CELSR1: variants seen among roughly 807,000 people sequenced by gnomAD.
CELSR1 encodes the protein adhesion G protein-coupled receptor C1.
In CELSR1, 110 loss-of-function variants were observed where a neutral mutation model predicts 249.1. That is an observed-to-expected ratio of 0.44 (90% CI 0.38 to 0.52). The LOEUF (loss-of-function observed/expected upper bound fraction) is 0.52, where lower values mean the gene tolerates loss of function less well. Ranked by LOEUF, CELSR1 falls within the 20% of genes least tolerant of loss-of-function variation. The probability of loss-of-function intolerance (pLI) is 0.00; values close to 1 mark genes in which losing one functional copy is unlikely to be tolerated. For missense variants in CELSR1, 4,109 were observed against 4,296.4 expected, an observed-to-expected ratio of 0.96 and a Z score of 1.22; for synonymous variants, 2,113 against 1,900.0, an observed-to-expected ratio of 1.11 and a Z score of -2.92.
At chr22:46,460,211 A>ACACACACACACACACACCCC (rs773925316) in intron 2 of CELSR1, among the ~76,000 whole-genome samples, 8 of 148,974 alleles carry the variant, frequency 5.4e-5, no homozygotes, top group Admixed American at 2.6e-4. Context: ...ACACACACAC[A>ACACACACACACACACACCCC]CACACCCATT....
At position 46,389,405 on chromosome 22, in the gene CELSR1, G is replaced by A. The variant is rs368292734; in HGVS notation, c.6440C>T (p.Thr2147Met). The A allele has an allele frequency of 1.2e-5, 19 of 1,612,324 alleles. No homozygotes were observed. The highest frequency in any genetic ancestry group is 1.7e-4 in the Middle Eastern group (1 of 5,998). ...CGTGCGCACGTCATTGCCAAAGAGC[G>A]TGCCCGTGTGCTGTGTAGCACTGCG... ...ALRSATQHTG[T>M]LFGNDVRTAY... The change falls in exon 18 of 35, where the codon ACG becomes ATG. Residue 2147 changes from threonine (T) to methionine (M), a missense_variant. This residue lies in a region of CELSR1 where 1,805 missense variants were observed against 1,831.6 expected (regional missense o/e 0.99). Transcript: ENST00000674500.
chr22:46,410,029 A>T lies in CELSR1; in HGVS notation c.4934-149T>A. ...CTGAACGCCCCTGGCAACGGCAGGAACATGGGAACTAAGAAGGTGCTGAAC... is the reference window on the plus strand; with the variant it reads ...CTGAACGCCCCTGGCAACGGCAGGATCATGGGAACTAAGAAGGTGCTGAAC... On this transcript the variant is annotated intron_variant, in intron 7 of 34. Transcript: ENST00000674500. This position sits in a 1 kb window ranked among gnomAD's most constrained non-coding sequence, Gnocchi z 6.8. The T allele has an allele frequency of 1.0e-6, 1 of 987,788 alleles. No homozygotes were observed. Among genetic ancestry groups the T allele is most frequent in the Non-Finnish European group, 1.5e-6 (1 of 673,024 alleles). The allele number at this position is 987,788 out of a possible 1,614,324, so 61.2% of individuals were successfully genotyped here.
At position 46,436,229 on chromosome 22, in the gene CELSR1, G is replaced by A. The variant is rs771828411; in HGVS notation, c.4467C>T (p.His1489=). 38 of 1,614,008 alleles carry A rather than the reference G, an allele frequency of 2.4e-5. 1 individual carries two copies. The Admixed American group carries it at 4.7e-4, about 20-fold the overall frequency. The change falls in exon 4 of 35, where the codon CAC becomes CAT. Residue 1489 remains histidine (H), a synonymous_variant. Transcript: ENST00000674500. This position sits in a 1 kb window ranked among gnomAD's most constrained non-coding sequence, Gnocchi z 5.9. ...LLYNGRFNEK[H]DFIALEIVDE... ...CCACGATCTCCAGGGCGATGAAGTCGTGCTTCTCATTGAAGCGGCCGTTGT... is the reference window on the plus strand; with the variant it reads ...CCACGATCTCCAGGGCGATGAAGTCATGCTTCTCATTGAAGCGGCCGTTGT...
chr22:46,486,081 G>T (rs1478812663), intron 1 of CELSR1, among the ~76,000 whole-genome samples: 1 of 151,492 alleles, frequency 6.6e-6, no homozygotes, highest in Non-Finnish European at 1.5e-5. Context: ...GGGACTACAG[G>T]AGCCCGCCAC....
rs2080152610 is a variant in CELSR1 at position 46,471,255 on chromosome 22, TTTTG to T, written c.3545-6914_3545-6911del. ...TTCTGTCTGCATTGCTGATTTTGTT[TTTTG>T]TTTGTTTTTATAAAACTTAATTTTG... On this transcript the variant is annotated intron_variant, in intron 1 of 34. Transcript: ENST00000674500. The surrounding 1 kb of genome is among the most constrained non-coding windows in gnomAD (Gnocchi z 4.9). Among the ~76,000 whole-genome samples the T allele has an allele frequency of 6.6e-6, 1 of 152,230 alleles. No homozygotes were observed. Among genetic ancestry groups the T allele is most frequent in the African/African-American group, 2.4e-5 (1 of 41,456 alleles).
rs558356588 is a variant in CELSR1 at position 46,364,833 on chromosome 22, C to A, written c.8555-97G>T. On this transcript the variant is annotated intron_variant, in intron 32 of 34. Coordinates refer to ENST00000674500, the MANE Select transcript of CELSR1 (RefSeq NM_001378328.1). ...CTGGTGGCTCTGACCCACCTCTCCCCAACCTGCAGGCCTGGTAGGGCTGAA... is the reference window on the plus strand; with the variant it reads ...CTGGTGGCTCTGACCCACCTCTCCCAAACCTGCAGGCCTGGTAGGGCTGAA... 2.0e-5 allele frequency: 25 copies of A among 1,225,150 alleles called. No homozygotes were observed. The African/African-American group carries it at 3.3e-4, about 16-fold the overall frequency. The allele number at this position is 1,225,150 out of a possible 1,614,324, so 75.9% of individuals were successfully genotyped here. A position where few individuals can be genotyped will look rare whatever the true frequency, so the allele number is the denominator to read the frequency against.
Position 46,506,824 on chromosome 22 carries a change from G to T in CELSR1, c.3544+26803C>A, listed in dbSNP as rs771742186. Among the ~76,000 whole-genome samples, 77 of 152,342 alleles carry T rather than the reference G, an allele frequency of 5.1e-4. No individual in the cohort carries two copies. Among genetic ancestry groups the T allele is most frequent in the Admixed American group, 1.8e-3 (27 of 15,304 alleles). On this transcript the variant is annotated intron_variant, in intron 1 of 34. Coordinates refer to ENST00000674500, the MANE Select transcript of CELSR1 (RefSeq NM_001378328.1). The surrounding 1 kb of genome is among the most constrained non-coding windows in gnomAD (Gnocchi z 4.1). The stretch of plus-strand genomic sequence containing the variant: ...CAGGAAGCTGAGGCCAAGCCCGGGG[G>T]TGTCTTCTCCACGGTCTGTCACCCG...
chr22:46,480,575 G>C (rs1381238537), intron 1 of CELSR1, among the ~76,000 whole-genome samples: 5 of 152,170 alleles, frequency 3.3e-5, no homozygotes, highest in African/African-American at 1.2e-4. Flanking sequence ...TTGTTTCACA[G>C]CTTATGGAAA....
At chr22:46,458,085 T>A (rs141888489) in intron 2 of CELSR1, among the ~76,000 whole-genome samples, 1 of 150,188 alleles carries the variant, frequency 6.7e-6, no homozygotes, top group African/African-American at 2.4e-5. Context: ...AACACCACCA[T>A]GGGGGTGAGG....
In CELSR1 at chr22:46,463,786, G is replaced by A. The variant is rs1332887110; in HGVS notation, c.4104C>T (p.Tyr1368=). ...DYCETEIDLC[Y]SDPCGANGRC... Reference sequence around the variant, plus strand: ...GGCCGTTGGCGCCGCACGGGTCGGAGTAGCAGAGGTCGATCTCCGTCTCGC... The same window carrying A: ...GGCCGTTGGCGCCGCACGGGTCGGAATAGCAGAGGTCGATCTCCGTCTCGC... Residue 1368 remains tyrosine (Y), a synonymous_variant, in exon 2 of 35, where the codon TAC becomes TAT. Coordinates refer to ENST00000674500, the MANE Select transcript of CELSR1 (RefSeq NM_001378328.1). 1 of 1,602,562 alleles carries A rather than the reference G, an allele frequency of 6.2e-7. No individual in the cohort carries two copies. The highest frequency in any genetic ancestry group is 8.5e-7 in the Non-Finnish European group (1 of 1,174,656).
At chr22:46,415,215 T>A (rs149866834) in intron 5 of CELSR1, among the ~76,000 whole-genome samples, 3,705 of 152,242 alleles carry the variant, frequency 0.024, 142 homozygotes, top group African/African-American at 0.084. Context: ...CGTGGCATGA[T>A]CTCGGCTCAC....
At chr22:46,525,910 C>T (rs1602241940) in intron 1 of CELSR1, among the ~76,000 whole-genome samples, 1 of 152,258 alleles carries the variant, frequency 6.6e-6, no homozygotes. Flanking sequence ...AACATGGGCC[C>T]GCTCCAGGCG....
chr22:46,406,948 G>A lies in CELSR1; in HGVS notation c.5226+2048C>T, dbSNP rs1428941230. On this transcript the variant is annotated intron_variant, in intron 9 of 34. Coordinates refer to ENST00000674500, the MANE Select transcript of CELSR1 (RefSeq NM_001378328.1). This position sits in a 1 kb window ranked among gnomAD's most constrained non-coding sequence, Gnocchi z 5.4. ...GCTCCGCCACGGCACACAGCTGATG[G>A]CGGAGGACACGCAGCCCAGACGCCG... is the stretch of plus-strand genomic sequence containing the variant. Among the ~76,000 whole-genome samples the A allele has an allele frequency of 6.6e-6, 1 of 152,244 alleles. No homozygotes were observed. Among genetic ancestry groups the A allele is most frequent in the African/African-American group, 2.4e-5 (1 of 41,458 alleles).
rs1383988204 is a variant in CELSR1, at chr22:46,396,689, C to T, written c.5759G>A (p.Gly1920Glu). The part of the protein sequence containing the change: ...ACHLNPCENM[G>E]ACVRSPGSPQ... ...GGAGCCGGGGGAGCGCACGCAGGCC[C>T]CCATGTTCTCGCAGGGGTTCAGGTG... Residue 1920 changes from glycine to glutamate, a missense_variant, in exon 13 of 35, where the codon GGG becomes GAG. This residue lies in a region of CELSR1 where 1,805 missense variants were observed against 1,831.6 expected (regional missense o/e 0.99). Transcript: ENST00000674500. This position sits in a 1 kb window ranked among gnomAD's most constrained non-coding sequence, Gnocchi z 6.4. 1.9e-6 allele frequency: 3 copies of T among 1,613,042 alleles called. No homozygotes were observed. Among genetic ancestry groups the T allele is most frequent in the Middle Eastern group, 1.7e-4 (1 of 6,060 alleles).
intron 18 of CELSR1, among the ~76,000 whole-genome samples, chr22:46,387,651 G>A (rs939790637): frequency 2.0e-5 from 3 of 152,080 alleles, no homozygotes; most frequent in Non-Finnish European, 2.9e-5. Flanking sequence ...GAGCGACCGC[G>A]CCCGGCCAGA....
chr22:46,447,415 T>C lies in CELSR1; in HGVS notation c.4184-8004A>G, dbSNP rs932016535. On this transcript the variant is annotated intron_variant, in intron 2 of 34. Transcript: ENST00000674500. The surrounding 1 kb of genome is among the most constrained non-coding windows in gnomAD (Gnocchi z 4.7). ...ATGTTCTCCTTACACCCTAGGATTC[T>C]GCTTGGAGTCAAAGGCTTGCTGAGT... 2.0e-5 allele frequency among the ~76,000 whole-genome samples: 3 copies of C among 152,170 alleles called. No individual in the cohort carries two copies. The highest frequency in any genetic ancestry group is 7.2e-5 in the African/African-American group (3 of 41,442).
intron 1 of CELSR1, among the ~76,000 whole-genome samples, chr22:46,514,449 C>G (rs1374812443): frequency 6.6e-6 from 1 of 152,178 alleles, no homozygotes; most frequent in Non-Finnish European, 1.5e-5. Flanking sequence ...CACTCTGATC[C>G]CCGGGGGCCC....
chr22:46,524,536 G>A (rs1759877216), intron 1 of CELSR1, among the ~76,000 whole-genome samples: 1 of 91,972 alleles, frequency 1.1e-5, no homozygotes, highest in Non-Finnish European at 2.0e-5. Flanking sequence ...CACCCCCGTT[G>A]TGTGCGTGTG....
At chr22:46,366,933 C>T in intron 29 of CELSR1, 60 bp downstream of exon 29, 1 of 1,553,606 alleles carries the variant, frequency 6.4e-7, no homozygotes, top group Non-Finnish European at 8.7e-7. Flanking sequence ...CGATCACCCT[C>T]CCCCGCCCCT....
Sources: gnomAD v4.1 joint callset for allele counts (sites outside exome capture counted in the v4.1 genomes callset) on GRCh38, gnomAD v4.1.1 for gene constraint, gnomAD v4.1.1 regional missense constraint, Gnocchi (gnomAD v3.1) non-coding constraint, MANE v1.5 for transcripts, NCBI Gene and HGNC (gene_info 2026-07-23, HGNC 2026-07-21) for gene names.